MCC: variants seen among roughly 807,000 people sequenced by gnomAD.
MCC encodes colorectal mutant cancer protein.
MCC carries 90 observed loss-of-function variants against 116.2 expected under a neutral mutation model. The observed-to-expected ratio is 0.77, with a 90% CI of 0.65 to 0.92. MCC has a LOEUF of 0.92. Ranked by LOEUF, MCC falls within the 40% of genes least tolerant of loss-of-function variation. MCC has a pLI of 0.00. For missense variants in MCC, 1,516 were observed against 1,312.2 expected (o/e 1.16, Z -2.40); for synonymous variants, 578 against 510.5 (o/e 1.13, Z -1.78).
chr5:113,346,758 A>G (rs1037952604), intron 2 of MCC, among the ~76,000 whole-genome samples: 5 of 152,154 alleles, frequency 3.3e-5, no homozygotes, highest in African/African-American at 7.2e-5. Context: ...CCCAAAGAAG[A>G]CTACCTCAAG....
At chr5:113,358,463 C>G (rs1768466718) in intron 2 of MCC, among the ~76,000 whole-genome samples, 2 of 152,178 alleles carry the variant, frequency 1.3e-5, no homozygotes, top group South Asian at 4.1e-4. Context: ...GCACTGGGCT[C>G]TTTCATCACA....
chr5:113,447,992 T>G (rs1300342239), intron 1 of MCC: 1 of 151,990 alleles, frequency 6.6e-6, no homozygotes, highest in Admixed American at 6.6e-5. Context: ...TGGGGAGAGG[T>G]GTAGAGGGAC....
At position 113,027,174 on chromosome 5, in the gene MCC, T is replaced by A; in HGVS notation, c.*128A>T. The A allele has an allele frequency of 1.1e-6, 1 of 937,042 alleles. No homozygotes were observed. The highest frequency in any genetic ancestry group is 1.7e-5 in the South Asian group (1 of 58,736). 58.0% of individuals were successfully genotyped at this position (937,042 alleles called of 1,614,324 possible). A position where few individuals can be genotyped will look rare whatever the true frequency, so the allele number is the denominator to read the frequency against. On this transcript the variant is annotated 3_prime_UTR_variant, in exon 19 of 19. Coordinates refer to ENST00000408903, the MANE Select transcript of MCC (RefSeq NM_001085377.2). ...AGGGTTGAGTTGGGGCACTCCATTG[T>A]CCAAGTGCCGACCTACCTGCCAGCC...
At chr5:113,246,392 G>C (rs1050495994) in intron 3 of MCC, among the ~76,000 whole-genome samples, 1 of 152,180 alleles carries the variant, frequency 6.6e-6, no homozygotes, top group Non-Finnish European at 1.5e-5. Flanking sequence ...GAAGTAAAGG[G>C]GAAAAGCCTA....
chr5:113,030,983 G>A (rs545168316), intron 17 of MCC, among the ~76,000 whole-genome samples: 6 of 152,304 alleles, frequency 3.9e-5, no homozygotes, highest in African/African-American at 1.2e-4. Flanking sequence ...GGAATGTGAC[G>A]TCGGGGTAGA....
chr5:113,470,102 T>C (rs1032432498), intron 1 of MCC, among the ~76,000 whole-genome samples: 2 of 151,988 alleles, frequency 1.3e-5, no homozygotes, highest in African/African-American at 2.4e-5. Context: ...GTTTCCTGAA[T>C]ACAGCACACT....
In MCC at chr5:113,202,787, TAAAAAAA is replaced by T. The variant is rs11387012; in HGVS notation, c.628-51372_628-51366del. ...TGCAGATGAAAGTTTGCCCTTTATT[TAAAAAAA>T]AAAAAAAAAACTTTTTCTAGGGGTA... On this transcript the variant is annotated intron_variant, in intron 3 of 18. Coordinates refer to ENST00000408903, the MANE Select transcript of MCC (RefSeq NM_001085377.2). 2.1e-5 allele frequency among the ~76,000 whole-genome samples: 3 copies of T among 139,878 alleles called. No homozygotes were observed. The South Asian group carries it at 7.1e-4, about 33-fold the overall frequency. The allele number at this position is 139,878 out of a possible 152,430, so 91.8% of individuals were successfully genotyped here.
At chr5:113,266,962 G>A (rs914567947) in intron 3 of MCC, among the ~76,000 whole-genome samples, 4 of 152,176 alleles carry the variant, frequency 2.6e-5, no homozygotes, top group African/African-American at 4.8e-5. Context: ...AAGAGCCTAA[G>A]TTACTGACCA....
chr5:113,229,040 A>G (rs1220459268), intron 3 of MCC, among the ~76,000 whole-genome samples: 1 of 152,212 alleles, frequency 6.6e-6, no homozygotes, highest in East Asian at 1.9e-4. Context: ...GCAGCTGAAT[A>G]TGAGTCTGGA....
At chr5:113,129,457 C>T (rs6859611) in intron 5 of MCC, among the ~76,000 whole-genome samples, 104,375 of 152,034 alleles carry the variant, frequency 0.69, 36,062 homozygotes, top group East Asian at 0.88. Context: ...GCTTAAACAA[C>T]AGAAATTTAT....
intron 3 of MCC, among the ~76,000 whole-genome samples, chr5:113,293,812 G>C (rs1200436962): frequency 6.6e-6 from 1 of 152,098 alleles, no homozygotes; most frequent in Non-Finnish European, 1.5e-5. Context: ...CCCAGCGCGG[G>C]TCATTCATCT....
intron 3 of MCC, among the ~76,000 whole-genome samples, chr5:113,187,267 C>T (rs1761938724): frequency 6.6e-6 from 1 of 152,168 alleles, no homozygotes; most frequent in Non-Finnish European, 1.5e-5. Flanking sequence ...CGCCACCATG[C>T]CCAGCTCATT....
chr5:113,137,115 A>G (rs188324101), intron 5 of MCC, among the ~76,000 whole-genome samples: 2 of 152,342 alleles, frequency 1.3e-5, no homozygotes, highest in Non-Finnish European at 2.9e-5. Context: ...ACAGTTCAGC[A>G]TGGCTGGAGA....
chr5:113,218,631 A>G (rs1471476523), intron 3 of MCC, among the ~76,000 whole-genome samples: 2 of 152,268 alleles, frequency 1.3e-5, no homozygotes, highest in Non-Finnish European at 2.9e-5. Context: ...ATGTTAAACA[A>G]GAAAAGCAAA....
At chr5:113,058,110 G>A (rs143450865) in intron 14 of MCC, among the ~76,000 whole-genome samples, 2 of 152,264 alleles carry the variant, frequency 1.3e-5, no homozygotes, top group East Asian at 3.9e-4. Flanking sequence ...ACAGCTGTGC[G>A]TCTACCACCC....
chr5:113,243,655 G>A (rs552643256), intron 3 of MCC, among the ~76,000 whole-genome samples: 1 of 152,298 alleles, frequency 6.6e-6, no homozygotes, highest in East Asian at 1.9e-4. Context: ...AAAGGCGCTG[G>A]CCATGCCTAG....
chr5:113,056,793 G>A (rs1226792464), intron 14 of MCC, among the ~76,000 whole-genome samples: 1 of 152,160 alleles, frequency 6.6e-6, no homozygotes, highest in East Asian at 1.9e-4. Flanking sequence ...AATAAATGCA[G>A]AAGTCATCAT....
chr5:113,488,149 T>C (rs1580438021), intron 1 of MCC, 96 bp downstream of exon 1: 9 of 1,284,700 alleles, frequency 7.0e-6, no homozygotes, highest in East Asian at 3.0e-5. Context: ...TCTGAGCAAC[T>C]TGCCGCAAGT....
chr5:113,143,700 A>G lies in MCC; in HGVS notation c.742-340T>C, dbSNP rs143047610. Reference sequence around the variant, plus strand: ...GTGGTCCAAGCTAGATCCATCAGATACCTTCTGCAGGGGATTTCAATCTTG... The same window carrying G: ...GTGGTCCAAGCTAGATCCATCAGATGCCTTCTGCAGGGGATTTCAATCTTG... On this transcript the variant is annotated intron_variant, in intron 4 of 18. Coordinates refer to ENST00000408903, the MANE Select transcript of MCC (RefSeq NM_001085377.2). Among the ~76,000 whole-genome samples, 22 of 152,248 alleles carry G rather than the reference A, an allele frequency of 1.4e-4. 1 individual carries two copies. In the East Asian group the frequency reaches 3.9e-3, roughly 27 times the overall value.
Sources: allele counts gnomAD v4.1 joint callset (sites outside exome capture counted in the v4.1 genomes callset), GRCh38; gene constraint gnomAD v4.1.1; transcripts MANE v1.5; gene names NCBI Gene and HGNC (gene_info 2026-07-23, HGNC 2026-07-21).